Variants in POLN observed in about 807,000 individuals in gnomAD.
POLN encodes the protein DNA polymerase N.
POLN carries 108 observed loss-of-function variants against 113.5 expected under a neutral mutation model. The ratio of observed to expected loss-of-function variants is 0.95; its 90% CI spans 0.81 to 1.12. POLN has a LOEUF of 1.12. Ranked by LOEUF, POLN falls within the 50% of genes most tolerant of loss-of-function variation. The pLI is 0.00. For synonymous variants in POLN, 386 were observed against 391.5 expected, an observed-to-expected ratio of 0.99 and a Z score of 0.17; for missense variants, 1,097 against 1,077.1, an observed-to-expected ratio of 1.02 and a Z score of -0.26.
Position 2,208,997 on chromosome 4 carries a change from A to G in POLN, c.214-510T>C, listed in dbSNP as rs559697458. 1.0e-3 allele frequency among the ~76,000 whole-genome samples: 156 copies of G among 152,076 alleles called. 2 individuals carry two copies. The highest frequency in any genetic ancestry group is 3.6e-3 in the African/African-American group (151 of 41,492). On this transcript the variant is annotated intron_variant, in intron 4 of 25. Transcript: ENST00000511885. The stretch of plus-strand genomic sequence containing the variant: ...GAGCGAAACTCTGTCTCGAAAAAAA[A>G]GCTCAAAAGCCTCCAACTGGCCCCT...
Position 2,081,655 on chromosome 4 carries a change from C to T in POLN, c.2286G>A (p.Gln762=), listed in dbSNP as rs1352935684. 9.3e-6 allele frequency: 15 copies of T among 1,614,108 alleles called. No individual in the cohort carries two copies. The highest frequency in any genetic ancestry group is 1.3e-5 in the Non-Finnish European group (15 of 1,180,044). ...TACCTTGCACCACGAAGTTCACTGCCTGTCGCTCTGCTTGTGCCCGGAGTT... is the reference window on the plus strand; with the variant it reads ...TACCTTGCACCACGAAGTTCACTGCTTGTCGCTCTGCTTGTGCCCGGAGTT... ...DQQLRAQAER[Q]AVNFVVQGSA... is the part of the protein sequence containing the mutation. The change falls in exon 22 of 26, where the codon CAG becomes CAA. Residue 762 remains glutamine (Q), a synonymous_variant. Transcript: ENST00000511885.
chr4:2,073,153 C>G, intron 24 of POLN, 124 bp from the exon 25 acceptor site: 1 of 873,126 alleles, frequency 1.1e-6, no homozygotes, highest in Non-Finnish European at 1.8e-6. Flanking sequence ...TTTCCTGTGT[C>G]CACTCGGTCA....
Position 2,085,755 on chromosome 4 carries a change from G to C in POLN, c.2066-11C>G. 6.2e-7 allele frequency: 1 copy of C among 1,613,106 alleles called. No individual in the cohort carries two copies. The highest frequency in any genetic ancestry group is 2.2e-5 in the East Asian group (1 of 44,892). ...CCAGCCGCTCCTTCCCTGTCAGTCA[G>C]AGAGACGCATGTCAAAGCCTCACTC... is the stretch of plus-strand genomic sequence containing the variant. On this transcript the variant is annotated splice_polypyrimidine_tract_variant and intron_variant, in intron 20 of 25. Coordinates refer to ENST00000511885, the MANE Select transcript of POLN (RefSeq NM_181808.4).
intron 2 of POLN, among the ~76,000 whole-genome samples, chr4:2,235,746 A>AAT (rs376301794): frequency 2.3e-4 from 35 of 152,058 alleles, no homozygotes; most frequent in African/African-American, 7.0e-4. Context: ...ACAGTCTAGG[A>AAT]ATATATATAT....
At chr4:2,089,086 G>A (rs140721508) in intron 20 of POLN, 169 of 903,652 alleles carry the variant, frequency 1.9e-4, no homozygotes, top group African/African-American at 1.8e-3. Context: ...CAATGGATTG[G>A]TCTACTATAG....
At chr4:2,162,623 A>AT (rs944027582) in intron 13 of POLN, among the ~76,000 whole-genome samples, 4 of 151,842 alleles carry the variant, frequency 2.6e-5, no homozygotes, top group Non-Finnish European at 5.9e-5. Flanking sequence ...TGCCCAGCTA[A>AT]TTTTTTTGTT....
chr4:2,235,167 A>C (rs1480706486), intron 2 of POLN, among the ~76,000 whole-genome samples: 1 of 152,240 alleles, frequency 6.6e-6, no homozygotes, highest in Non-Finnish European at 1.5e-5. Flanking sequence ...TATAGGCGTG[A>C]GCCACCGCAC....
At chr4:2,135,853 G>A (rs951714443) in intron 16 of POLN, among the ~76,000 whole-genome samples, 1 of 152,182 alleles carries the variant, frequency 6.6e-6, no homozygotes, top group African/African-American at 2.4e-5. Context: ...AGCACGCAGG[G>A]GAACCGTTCG....
chr4:2,117,195 T>C (rs1294314479), intron 19 of POLN, among the ~76,000 whole-genome samples: 1 of 152,224 alleles, frequency 6.6e-6, no homozygotes, highest in Admixed American at 6.5e-5. Context: ...GAACCATGTG[T>C]TGGCTCTTAA....
At chr4:2,154,854 GAC>G (rs1732385730) in intron 16 of POLN, among the ~76,000 whole-genome samples, 1 of 152,190 alleles carries the variant, frequency 6.6e-6, no homozygotes, top group Non-Finnish European at 1.5e-5. Context: ...TTAAAAAGAT[GAC>G]ACAAACTTCC....
At chr4:2,144,121 T>C (rs953493786) in intron 16 of POLN, among the ~76,000 whole-genome samples, 1 of 151,376 alleles carries the variant, frequency 6.6e-6, no homozygotes, top group African/African-American at 2.4e-5. Context: ...ATAAAATACA[T>C]ATTCACTGTT....
intron 19 of POLN, among the ~76,000 whole-genome samples, chr4:2,097,162 A>C (rs2108701622): frequency 6.6e-6 from 1 of 152,320 alleles, no homozygotes; most frequent in Middle Eastern, 3.4e-3. Context: ...AGTTAGGTGA[A>C]ACAATGACAA....
intron 19 of POLN, among the ~76,000 whole-genome samples, chr4:2,096,686 AAGAG>A (rs750844060): frequency 0.032 from 4,101 of 129,868 alleles, 63 homozygotes; most frequent in Middle Eastern, 0.079. Flanking sequence ...AGCCGAGAGA[AAGAG>A]AGAGAGAGAG....
intron 23 of POLN, chr4:2,078,804 G>A: frequency 1.0e-6 from 1 of 985,508 alleles, no homozygotes; most frequent in South Asian, 4.7e-5. Context: ...TGACCAGCGA[G>A]TAACTGCGTT....
chr4:2,143,296 ACT>A (rs1342363333), intron 16 of POLN, among the ~76,000 whole-genome samples: 4 of 152,172 alleles, frequency 2.6e-5, no homozygotes, highest in African/African-American at 9.7e-5. Flanking sequence ...AATTGACAAA[ACT>A]CTCAGTAGAT....
intron 21 of POLN, among the ~76,000 whole-genome samples, chr4:2,083,757 G>T (rs777040430): frequency 2.0e-5 from 3 of 152,254 alleles, no homozygotes; most frequent in Non-Finnish European, 4.4e-5. Flanking sequence ...AGGAAAATCC[G>T]CATTAAATGA....
chr4:2,074,088 G>A (rs566556586), intron 24 of POLN, among the ~76,000 whole-genome samples: 3 of 152,356 alleles, frequency 2.0e-5, no homozygotes, highest in Admixed American at 6.5e-5. Flanking sequence ...TGAGTATGCA[G>A]AGAACTGGTC....
In POLN at chr4:2,176,288, AT is replaced by A; in HGVS notation, c.1225del (p.Met409TrpfsTer7). 1.2e-6 allele frequency: 2 copies of A among 1,604,974 alleles called. No individual in the cohort carries two copies. Among genetic ancestry groups the A allele is most frequent in the Non-Finnish European group, 1.7e-6 (2 of 1,176,384 alleles). On this transcript the variant is annotated frameshift_variant, in exon 9 of 26. Transcript: ENST00000511885. LOFTEE classifies it high-confidence loss of function. The part of the protein sequence containing the change: ...ENLKTLYRLT[M>X]DLCSKLKDYG... ...TGCCTTCAGTTTAGAGCAAAGGTCC[AT>A]TGTAAGTCTGTAGAGTGTCTTCAGG...
At chr4:2,195,872 G>A (rs753136775) in intron 6 of POLN, among the ~76,000 whole-genome samples, 6 of 152,142 alleles carry the variant, frequency 3.9e-5, no homozygotes, top group Admixed American at 6.5e-5. Context: ...GATAGAATTA[G>A]AAAAATCACC....
Sources: gnomAD v4.1 joint callset for allele counts (sites outside exome capture counted in the v4.1 genomes callset) on GRCh38, gnomAD v4.1.1 for gene constraint, MANE v1.5 for transcripts, NCBI Gene and HGNC (gene_info 2026-07-23, HGNC 2026-07-21) for gene names.